WWP2: variants seen among roughly 807,000 people sequenced by gnomAD.
WWP2 encodes the protein NEDD4-like E3 ubiquitin-protein ligase WWP2.
In WWP2, 57 loss-of-function variants were observed where a neutral mutation model predicts 121.0. The ratio of observed to expected loss-of-function variants is 0.47; its 90% confidence interval spans 0.38 to 0.59. The LOEUF is 0.59. Among genes scored for constraint, WWP2 ranks in the 20% least tolerant of loss-of-function variants. WWP2 has a pLI of 0.00. For missense variants in WWP2, 962 were observed against 1,158.9 expected, an observed-to-expected ratio of 0.83 and a Z score of 2.47; for synonymous variants, 449 against 441.3, an observed-to-expected ratio of 1.02 and a Z score of -0.22.
chr16:69,890,494 CG>C (rs1324404909), intron 8 of WWP2, among the ~76,000 whole-genome samples: 2 of 152,124 alleles, frequency 1.3e-5, no homozygotes, highest in African/African-American at 4.8e-5. Context: ...AAGGAATACT[CG>C]AAAGACCTTT....
intron 4 of WWP2, among the ~76,000 whole-genome samples, chr16:69,823,778 G>A (rs2056634863): frequency 6.6e-6 from 1 of 152,160 alleles, no homozygotes; most frequent in Non-Finnish European, 1.5e-5. Context: ...AAAAATTTTT[G>A]TTAAAACATC....
At chr16:69,907,943 A>G (rs961923294) in intron 8 of WWP2, among the ~76,000 whole-genome samples, 2 of 152,228 alleles carry the variant, frequency 1.3e-5, no homozygotes, top group Non-Finnish European at 2.9e-5. Flanking sequence ...GGGTAGTCAT[A>G]GAACCTGTGA....
intron 4 of WWP2, among the ~76,000 whole-genome samples, chr16:69,821,777 CA>C (rs1298300788): frequency 7.1e-6 from 1 of 141,378 alleles, no homozygotes; most frequent in Non-Finnish European, 1.5e-5. Context: ...AGGCTGGTCT[CA>C]AACTCCTGGC....
chr16:69,914,695 G>A (rs1453242779), intron 9 of WWP2, among the ~76,000 whole-genome samples: 1 of 152,108 alleles, frequency 6.6e-6, no homozygotes, highest in African/African-American at 2.4e-5. Context: ...GGTCGAGGCT[G>A]CAGTGAGCCA....
chr16:69,763,653 C>G (rs1221277953), intron 1 of WWP2, among the ~76,000 whole-genome samples: 6 of 152,212 alleles, frequency 3.9e-5, no homozygotes, highest in Admixed American at 3.9e-4. Context: ...AACAGACTTA[C>G]GAGAGACGAC....
At chr16:69,775,653 G>A (rs1026882639) in intron 1 of WWP2, among the ~76,000 whole-genome samples, 3 of 152,080 alleles carry the variant, frequency 2.0e-5, no homozygotes. Flanking sequence ...TCTGAGTCAG[G>A]TTCTGATGCT....
intron 4 of WWP2, among the ~76,000 whole-genome samples, chr16:69,833,333 C>T (rs2056824003): frequency 6.6e-6 from 1 of 152,238 alleles, no homozygotes; most frequent in Non-Finnish European, 1.5e-5. Context: ...CTGTGTGTCT[C>T]CCTAAAGTGT....
intron 4 of WWP2, among the ~76,000 whole-genome samples, chr16:69,803,560 G>A (rs2056215822): frequency 6.6e-6 from 1 of 151,996 alleles, no homozygotes. Flanking sequence ...TATCTCTGAG[G>A]CCCCCCACTT....
At chr16:69,806,070 G>A (rs903474262) in intron 4 of WWP2, among the ~76,000 whole-genome samples, 2 of 149,646 alleles carry the variant, frequency 1.3e-5, no homozygotes, top group Admixed American at 1.3e-4. Flanking sequence ...GTGTGATGGT[G>A]TACGCCTGTA....
At chr16:69,939,455 C>G (rs778181468) in intron 23 of WWP2, 42 bp downstream of exon 23, 1 of 1,606,102 alleles carries the variant, frequency 6.2e-7, no homozygotes, top group Admixed American at 1.7e-5. Flanking sequence ...GGGCCTCAGA[C>G]CCGATGAGCT....
chr16:69,821,873 G>GT (rs997320235), intron 4 of WWP2, among the ~76,000 whole-genome samples: 55 of 145,390 alleles, frequency 3.8e-4, no homozygotes, highest in Admixed American at 7.6e-4. Flanking sequence ...TCTTTGTTTT[G>GT]TTTTTTTTTT....
At chr16:69,882,299 G>A (rs1289970558) in intron 7 of WWP2, among the ~76,000 whole-genome samples, 1 of 152,170 alleles carries the variant, frequency 6.6e-6, no homozygotes, top group Non-Finnish European at 1.5e-5. Context: ...CAAATGTCAG[G>A]TGGTTTTATT....
intron 6 of WWP2, among the ~76,000 whole-genome samples, chr16:69,869,203 A>G (rs1442565586): frequency 2.0e-5 from 3 of 151,956 alleles, no homozygotes; most frequent in Admixed American, 2.0e-4. Context: ...CTTTTGATTT[A>G]TGAAATTAGC....
intron 1 of WWP2, among the ~76,000 whole-genome samples, chr16:69,777,199 A>G (rs1191987930): frequency 1.3e-5 from 2 of 151,982 alleles, no homozygotes; most frequent in Non-Finnish European, 2.9e-5. Flanking sequence ...TACAATATAC[A>G]TATGGAGATA....
At chr16:69,851,262 C>T (rs113344960) in intron 6 of WWP2, among the ~76,000 whole-genome samples, 3 of 151,918 alleles carry the variant, frequency 2.0e-5, no homozygotes, top group African/African-American at 7.2e-5. Flanking sequence ...AAGTGATCCA[C>T]GTGCCTTGGC....
At position 69,888,195 on chromosome 16, in the gene WWP2, C is replaced by G. The variant is rs751715302; in HGVS notation, c.860C>G (p.Ser287Trp). The change falls in exon 8 of 24, where the codon TCG becomes TGG. Residue 287 changes from serine to tryptophan, a missense_variant. Around this residue, in one of 3 missense-constraint regions of WWP2, gnomAD observed 211 missense variants for 196.5 expected, o/e 1.07. Coordinates refer to ENST00000359154, the MANE Select transcript of WWP2 (RefSeq NM_001270454.2). ...TPAEGEEPST[S>W]GTQQLPAAAQ... ...GCTGAAGGAGAGGAACCCAGCACTTCGGGTACACAGCAGCTCCCAGCGGCT... is the reference window on the plus strand; with the variant it reads ...GCTGAAGGAGAGGAACCCAGCACTTGGGGTACACAGCAGCTCCCAGCGGCT... The G allele has an allele frequency of 1.9e-6, 3 of 1,614,200 alleles. No homozygotes were observed. Among genetic ancestry groups the G allele is most frequent in the Non-Finnish European group, 2.5e-6 (3 of 1,180,036 alleles).
intron 8 of WWP2, among the ~76,000 whole-genome samples, chr16:69,906,923 A>G (rs1221577571): frequency 6.6e-6 from 1 of 152,228 alleles, no homozygotes; most frequent in African/African-American, 2.4e-5. Context: ...TAAAAACCAC[A>G]GGGCTTGTGG....
chr16:69,762,458 G>C (rs1410190771), intron 1 of WWP2, 67 bp downstream of exon 1: 1 of 147,256 alleles, frequency 6.8e-6, no homozygotes, highest in Non-Finnish European at 1.5e-5. Context: ...GGGGGCGGCG[G>C]GCGGCGCGGG....
chr16:69,864,666 C>T (rs961423319), intron 6 of WWP2, among the ~76,000 whole-genome samples: 1 of 151,832 alleles, frequency 6.6e-6, no homozygotes, highest in African/African-American at 2.4e-5. Context: ...TCTCCTGCCT[C>T]AGCCTCCTGA....
Sources: allele counts gnomAD v4.1 joint callset (sites outside exome capture counted in the v4.1 genomes callset), GRCh38; gene constraint gnomAD v4.1.1; regional missense constraint gnomAD v4.1.1; transcripts MANE v1.5; gene names NCBI Gene and HGNC (gene_info 2026-07-23, HGNC 2026-07-21).